PCDH15: variants seen among roughly 807,000 people sequenced by gnomAD.
PCDH15 encodes protocadherin related 15.
PCDH15 carries 129 observed loss-of-function variants against 178.5 expected under a neutral mutation model. The observed-to-expected ratio is 0.72, with a 90% CI of 0.63 to 0.84. PCDH15 has a LOEUF of 0.84. Among genes scored for constraint, PCDH15 ranks in the 40% least tolerant of loss-of-function variants. The pLI is 0.00. For synonymous variants in PCDH15, 800 were observed against 732.0 expected (o/e 1.09, Z -1.50); for missense variants, 2,230 against 2,099.9 (o/e 1.06, Z -1.21).
At chr10:54,967,469 T>C (rs1838822752) in intron 2 of PCDH15, among the ~76,000 whole-genome samples, 1 of 152,136 alleles carries the variant, frequency 6.6e-6, no homozygotes. Flanking sequence ...TTTTTTATAA[T>C]TACATATAAA....
At position 54,924,567 on chromosome 10, in the gene PCDH15, A is replaced by G. The variant is rs960375660; in HGVS notation, c.-79-27067T>C. Among the ~76,000 whole-genome samples, 6 of 88,108 alleles carry G rather than the reference A, an allele frequency of 6.8e-5. 2 individuals are homozygous for G. Among genetic ancestry groups the G allele is most frequent in the Admixed American group, 2.1e-4 (2 of 9,720 alleles). 57.8% of individuals were successfully genotyped at this position (88,108 alleles called of 152,430 possible). A position where few individuals can be genotyped will look rare whatever the true frequency, so the allele number is the denominator to read the frequency against. On this transcript the variant is annotated intron_variant, in intron 2 of 5. Coordinates refer to the PCDH15 transcript ENST00000458638. ...AAAATTTACACTCCCCCCATAGCAT[A>G]TAAGTGTTCTTTTTTCTCCACAACC... is the stretch of plus-strand genomic sequence containing the variant.
chr10:55,355,346 C>A (rs576018187), intron 2 of PCDH15, among the ~76,000 whole-genome samples: 1 of 151,904 alleles, frequency 6.6e-6, no homozygotes, highest in Non-Finnish European at 1.5e-5. Flanking sequence ...TGTTTTCCAG[C>A]GTCCCACCAG....
chr10:53,963,331 T>C (rs2088571811), intron 21 of PCDH15, among the ~76,000 whole-genome samples: 1 of 152,168 alleles, frequency 6.6e-6, no homozygotes, highest in Admixed American at 6.5e-5. Flanking sequence ...ACATTCTTTA[T>C]TTAACCTTTT....
chr10:55,327,946 A>G (rs981834574), intron 2 of PCDH15, among the ~76,000 whole-genome samples: 2 of 152,076 alleles, frequency 1.3e-5, no homozygotes, highest in East Asian at 3.9e-4. Context: ...GATACAAAAC[A>G]TATGATTACT....
intron 1 of PCDH15, among the ~76,000 whole-genome samples, chr10:55,296,560 T>C (rs1843136992): frequency 6.6e-6 from 1 of 152,166 alleles, no homozygotes; most frequent in African/African-American, 2.4e-5. Flanking sequence ...ACAAAAGATT[T>C]TCCCATTACT....
intron 18 of PCDH15, among the ~76,000 whole-genome samples, chr10:54,024,623 C>A (rs1465171967): frequency 6.6e-6 from 1 of 152,158 alleles, no homozygotes; most frequent in African/African-American, 2.4e-5. Context: ...CAAAACACAA[C>A]TGCCCCTGGG....
intron 2 of PCDH15, among the ~76,000 whole-genome samples, chr10:55,369,837 A>G (rs1039687113): frequency 6.6e-6 from 1 of 152,018 alleles, no homozygotes; most frequent in Non-Finnish European, 1.5e-5. Context: ...AAGAATATTA[A>G]TACTTCCATT....
intron 2 of PCDH15, among the ~76,000 whole-genome samples, chr10:55,435,514 A>T (rs10219067): frequency 2.0e-5 from 3 of 152,016 alleles, no homozygotes; most frequent in Non-Finnish European, 2.9e-5. Flanking sequence ...ATTTCATCTA[A>T]CTTCCTCTTC....
intron 2 of PCDH15, among the ~76,000 whole-genome samples, chr10:54,531,088 G>C (rs1396917849): frequency 6.6e-6 from 1 of 152,144 alleles, no homozygotes; most frequent in Non-Finnish European, 1.5e-5. Context: ...GGGATGGGGA[G>C]ATTGTACCCT....
intron 2 of PCDH15, among the ~76,000 whole-genome samples, chr10:54,574,751 A>G (rs2090263137): frequency 6.6e-6 from 1 of 150,580 alleles, no homozygotes. Context: ...GCGATTCCTC[A>G]GGGGTCTAGA....
intron 2 of PCDH15, among the ~76,000 whole-genome samples, chr10:55,528,374 C>A (rs1344867047): frequency 2.6e-5 from 4 of 151,888 alleles, no homozygotes; most frequent in Non-Finnish European, 5.9e-5. Flanking sequence ...TATCCCTCAC[C>A]CCTCTCCACA....
intron 1 of PCDH15, among the ~76,000 whole-genome samples, chr10:55,271,596 C>T (rs79616337): frequency 0.027 from 4,031 of 152,042 alleles, 208 homozygotes; most frequent in African/African-American, 0.092. Context: ...CCAGCAAATA[C>T]GGGACAGCAA....
intron 2 of PCDH15, among the ~76,000 whole-genome samples, chr10:55,476,496 A>T (rs1840064816): frequency 6.6e-6 from 1 of 151,992 alleles, no homozygotes; most frequent in African/African-American, 2.4e-5. Flanking sequence ...TTTACTTAGG[A>T]AGTTAAAATG....
chr10:54,835,661 A>G (rs1953304043), intron 3 of PCDH15, among the ~76,000 whole-genome samples: 1 of 152,152 alleles, frequency 6.6e-6, no homozygotes, highest in South Asian at 2.1e-4. Flanking sequence ...CCTCATTCAC[A>G]TAGCTCCTGT....
Position 54,461,377 on chromosome 10 carries a change from C to CA in PCDH15, c.157+66434dup, listed in dbSNP as rs569940572. ...GCAAGTTGTATGTAACATTAGCACA[C>CA]AAAAAAATAGTGGTTGTGGTTCTCG... On this transcript the variant is annotated intron_variant, in intron 3 of 37. Coordinates refer to ENST00000644397, the MANE Select transcript of PCDH15 (RefSeq NM_001384140.1). 2.0e-5 allele frequency among the ~76,000 whole-genome samples: 3 copies of CA among 152,094 alleles called. No homozygotes were observed. In the South Asian group the frequency reaches 6.2e-4, roughly 32 times the overall value.
chr10:55,497,393 G>C (rs745493423), intron 2 of PCDH15, among the ~76,000 whole-genome samples: 1 of 151,676 alleles, frequency 6.6e-6, no homozygotes, highest in Non-Finnish European at 1.5e-5. Context: ...GCCTCACAAA[G>C]TGTTAGGATT....
rs115207793 is a variant in PCDH15, at chr10:54,855,510, T to C, written c.-29+41940A>G. Reference sequence around the variant, plus strand: ...TTCATAGCATCCTGCATCAAAAATATTTTCTCCAATGTTCTGAAGCATGAT... The same window carrying C: ...TTCATAGCATCCTGCATCAAAAATACTTTCTCCAATGTTCTGAAGCATGAT... On this transcript the variant is annotated intron_variant, in intron 3 of 5. Coordinates refer to the PCDH15 transcript ENST00000458638. Among the ~76,000 whole-genome samples the C allele has an allele frequency of 4.9e-3, 753 of 152,286 alleles. 9 individuals carry two copies. The highest frequency in any genetic ancestry group is 0.017 in the African/African-American group (691 of 41,556).
rs546366524 is a variant in PCDH15, at chr10:55,160,102, C to T, written c.-80+6474G>A. The stretch of plus-strand genomic sequence containing the variant: ...TCTCTGTTTCGCTACCAGTGAGAAG[C>T]GGCCCTGTGATCCAGTTCTGGGTCA... On this transcript the variant is annotated intron_variant, in intron 2 of 5. Coordinates refer to the PCDH15 transcript ENST00000458638. Among the ~76,000 whole-genome samples the T allele has an allele frequency of 4.6e-5, 7 of 152,124 alleles. No individual in the cohort carries two copies. In the South Asian group the frequency reaches 8.3e-4, roughly 18 times the overall value.
intron 2 of PCDH15, among the ~76,000 whole-genome samples, chr10:55,501,178 C>T (rs1338407819): frequency 6.6e-6 from 1 of 151,748 alleles, no homozygotes; most frequent in South Asian, 2.1e-4. Flanking sequence ...TGCAATGATA[C>T]ATCTGCAAGC....
Sources: gnomAD v4.1 joint callset for allele counts (sites outside exome capture counted in the v4.1 genomes callset) on GRCh38, gnomAD v4.1.1 for gene constraint, MANE v1.5 for transcripts, NCBI Gene and HGNC (gene_info 2026-07-23, HGNC 2026-07-21) for gene names.